Variants in ST3GAL6 observed in about 807,000 individuals in gnomAD.
ST3GAL6 encodes type 2 lactosamine alpha-2,3-sialyltransferase.
In ST3GAL6, 31 loss-of-function variants were observed where a neutral mutation model predicts 40.5. The ratio of observed to expected loss-of-function variants is 0.77; its 90% CI spans 0.58 to 1.03. ST3GAL6 has a LOEUF of 1.03. Among genes scored for constraint, ST3GAL6 ranks in the 50% least tolerant of loss-of-function variants. The pLI is 0.00. For synonymous variants in ST3GAL6, 129 were observed against 136.9 expected (o/e 0.94, Z 0.40); for missense variants, 357 against 393.2 (o/e 0.91, Z 0.78).
chr3:98,762,295 A>T (rs1937873034), upstream of ST3GAL6, among the ~76,000 whole-genome samples: 1 of 152,188 alleles, frequency 6.6e-6, no homozygotes, highest in African/African-American at 2.4e-5. Context: ...TATACAGCTG[A>T]TCTAATTTGT....
rs1171300897 is a variant in ST3GAL6, at chr3:98,788,030, C to T, written c.432-6C>T. The T allele has an allele frequency of 1.2e-5, 20 of 1,610,036 alleles. No homozygotes were observed. The highest frequency in any genetic ancestry group is 1.7e-5 in the Non-Finnish European group (20 of 1,178,260). On this transcript the variant is annotated splice_region_variant and splice_polypyrimidine_tract_variant and intron_variant, in intron 6 of 9. Coordinates refer to ENST00000483910, the MANE Select transcript of ST3GAL6 (RefSeq NM_001323368.2). The stretch of plus-strand genomic sequence containing the variant: ...CTACATATCTTGTATGTTTTACTAT[C>T]CACAGAATGAATAATGGTCCTGTTT...
At chr3:98,748,720 C>A (rs1452019636) in intron 1 of ST3GAL6, among the ~76,000 whole-genome samples, 1 of 152,204 alleles carries the variant, frequency 6.6e-6, no homozygotes, top group Non-Finnish European at 1.5e-5. Flanking sequence ...CCCGCCTTGG[C>A]CTCCCAAAGT....
At chr3:98,766,406 T>C (rs963132422) in intron 1 of ST3GAL6, among the ~76,000 whole-genome samples, 3 of 22,126 alleles carry the variant, frequency 1.4e-4, no homozygotes, top group African/African-American at 4.6e-4. Context: ...AATGTCATTC[T>C]TTTTTTTTTT....
chr3:98,776,397 C>T lies in ST3GAL6; in HGVS notation c.335+2414C>T, dbSNP rs138431756. On this transcript the variant is annotated intron_variant, in intron 5 of 9. Transcript: ENST00000483910. The stretch of plus-strand genomic sequence containing the variant: ...GAATAAAGCTCTAGAAGAAAGATGT[C>T]TGAGAACAGTCTTTCTTTCTCAGGC... Among the ~76,000 whole-genome samples, 343 of 152,322 alleles carry T rather than the reference C, an allele frequency of 2.3e-3. 2 individuals are homozygous for T. Among genetic ancestry groups the T allele is most frequent in the Non-Finnish European group, 3.0e-3 (201 of 68,026 alleles).
chr3:98,783,703 C>A, intron 5 of ST3GAL6: 1 of 985,430 alleles, frequency 1.0e-6, no homozygotes, highest in Non-Finnish European at 1.2e-6. Flanking sequence ...CTGGACAGCC[C>A]TCCCCGCCCC....
intron 1 of ST3GAL6, among the ~76,000 whole-genome samples, chr3:98,735,540 A>G (rs1487185066): frequency 6.6e-6 from 1 of 152,186 alleles, no homozygotes; most frequent in African/African-American, 2.4e-5. Flanking sequence ...GCTGTCTTCA[A>G]TGGGCATATT....
Position 98,793,719 on chromosome 3 carries a change from C to T in ST3GAL6, c.954C>T (p.Asp318=), listed in dbSNP as rs1941395692. 1 of 1,600,522 alleles carries T rather than the reference C, an allele frequency of 6.2e-7. No homozygotes were observed. The highest frequency in any genetic ancestry group is 1.1e-5 in the South Asian group (1 of 87,642). ...CTGCAGAGCAGCTCTTTTTGAAGGA[C>T]ATTATAGAAAAAAACCTCGTAATCA... ...NVTAEQLFLK[D]IIEKNLVINL... is the part of the protein sequence containing the mutation. Residue 318 remains aspartate (D), a synonymous_variant, in exon 10 of 10, where the codon GAC becomes GAT. Transcript: ENST00000483910.
intron 1 of ST3GAL6, among the ~76,000 whole-genome samples, chr3:98,739,751 TTCTG>T (rs1358505907): frequency 1.3e-5 from 2 of 152,224 alleles, no homozygotes; most frequent in Non-Finnish European, 2.9e-5. Flanking sequence ...ATTTTTTTAA[TTCTG>T]TCTTTTTTGT....
intron 1 of ST3GAL6, chr3:98,732,643 G>A (rs1935120928): frequency 4.0e-6 from 2 of 495,132 alleles, no homozygotes; most frequent in East Asian, 7.2e-5. Context: ...CGGCCACCGT[G>A]CAACTGGCGC....
rs183991003 is a variant in ST3GAL6, at chr3:98,794,355, A to C, written c.*594A>C. ...ATGGGCTAAACATAAAGTTCTTATT[A>C]GATAAGTAAATAACTAAAGAAAGAA... On this transcript the variant is annotated 3_prime_UTR_variant, in exon 10 of 10. Coordinates refer to ENST00000483910, the MANE Select transcript of ST3GAL6 (RefSeq NM_001323368.2). 14 of 152,334 alleles carry C rather than the reference A, an allele frequency of 9.2e-5. No individual in the cohort carries two copies. The highest frequency in any genetic ancestry group is 3.4e-4 in the African/African-American group (14 of 41,578). 9.4% of individuals were successfully genotyped at this position (152,334 alleles called of 1,614,324 possible). A position where few individuals can be genotyped will look rare whatever the true frequency, so the allele number is the denominator to read the frequency against.
chr3:98,742,901 T>C (rs755615869), intron 1 of ST3GAL6, among the ~76,000 whole-genome samples: 5 of 151,722 alleles, frequency 3.3e-5, no homozygotes, highest in African/African-American at 4.8e-5. Context: ...GGTTTGTCCA[T>C]GTTGGTCAGG....
intron 8 of ST3GAL6, among the ~76,000 whole-genome samples, chr3:98,789,781 G>C (rs1370592534): frequency 6.6e-6 from 1 of 152,154 alleles, no homozygotes; most frequent in African/African-American, 2.4e-5. Context: ...GTATGATCAG[G>C]TATATCTCTT....
At chr3:98,763,770 A>G (rs551090685) in intron 1 of ST3GAL6, among the ~76,000 whole-genome samples, 2 of 151,306 alleles carry the variant, frequency 1.3e-5, no homozygotes, top group Non-Finnish European at 2.9e-5. Flanking sequence ...TTGGCTGCAG[A>G]GCTGCTAGGG....
intron 1 of ST3GAL6, among the ~76,000 whole-genome samples, chr3:98,746,405 T>C (rs77656669): frequency 0.016 from 2,298 of 146,032 alleles, 63 homozygotes; most frequent in African/African-American, 0.057. Flanking sequence ...GGAGCCCAGA[T>C]TTTTTTTTTT....
At chr3:98,738,776 C>T (rs1022880362) in intron 1 of ST3GAL6, among the ~76,000 whole-genome samples, 4 of 152,156 alleles carry the variant, frequency 2.6e-5, no homozygotes, top group Admixed American at 1.3e-4. Flanking sequence ...TTTAACACCC[C>T]ACTGGCAGTA....
chr3:98,782,053 G>A (rs1408862642), intron 5 of ST3GAL6: 1 of 592,308 alleles, frequency 1.7e-6, no homozygotes, highest in Admixed American at 3.0e-5. Context: ...AATACCCTGA[G>A]AGGAAAGGGT....
chr3:98,753,214 T>C (rs1008767669), intron 1 of ST3GAL6, among the ~76,000 whole-genome samples: 3 of 152,132 alleles, frequency 2.0e-5, no homozygotes, highest in Non-Finnish European at 4.4e-5. Context: ...ATATAGAGAG[T>C]ATTAGTGGTC....
At chr3:98,761,486 A>G (rs828613), upstream of ST3GAL6, among the ~76,000 whole-genome samples, 79,525 of 151,570 alleles carry the variant, frequency 0.52, 21,693 homozygotes, top group African/African-American at 0.67. Context: ...GCACGTGCCT[A>G]TAGTCCCAGC....
At chr3:98,777,363 G>A (rs1400721680) in intron 5 of ST3GAL6, among the ~76,000 whole-genome samples, 1 of 152,210 alleles carries the variant, frequency 6.6e-6, no homozygotes, top group Non-Finnish European at 1.5e-5. Flanking sequence ...CGTACCATGG[G>A]AATTGGCAAA....
Sources: gnomAD v4.1 joint callset for allele counts (sites outside exome capture counted in the v4.1 genomes callset) on GRCh38, gnomAD v4.1.1 for gene constraint, MANE v1.5 for transcripts, NCBI Gene and HGNC (gene_info 2026-07-23, HGNC 2026-07-21) for gene names.